RYR3: variants seen among roughly 807,000 people sequenced by gnomAD.
The protein encoded by RYR3 is brain ryanodine receptor-calcium release channel.
A neutral mutation model predicts 584.3 loss-of-function variants in RYR3; 207 were observed. The observed-to-expected ratio is 0.35, with a 90% confidence interval of 0.32 to 0.40. The LOEUF (loss-of-function observed/expected upper bound fraction) is 0.40. Among genes scored for constraint, RYR3 ranks in the 10% least tolerant of loss-of-function variants. RYR3 has a pLI of 1.00. For missense variants in RYR3, 5,616 were observed against 6,089.2 expected (o/e 0.92, Z 2.59); for synonymous variants, 2,416 against 2,248.5 (o/e 1.07, Z -2.11).
intron 66 of RYR3, among the ~76,000 whole-genome samples, chr15:33,786,713 A>G (rs1952138516): frequency 6.6e-6 from 1 of 152,230 alleles, no homozygotes; most frequent in Admixed American, 6.5e-5. Context: ...TGATGGACCT[A>G]TGATTTAGGT....
At chr15:33,607,686 A>C (rs554608954) in intron 18 of RYR3, among the ~76,000 whole-genome samples, 1 of 152,336 alleles carries the variant, frequency 6.6e-6, no homozygotes, top group South Asian at 2.1e-4. Flanking sequence ...TTTTGGATTC[A>C]GCCCTCAATG....
At chr15:33,672,449 G>A (rs1173182300) in intron 38 of RYR3, among the ~76,000 whole-genome samples, 3 of 152,144 alleles carry the variant, frequency 2.0e-5, no homozygotes, top group Non-Finnish European at 4.4e-5. Flanking sequence ...CACGTTTCGT[G>A]TCATAAGTAC....
chr15:33,634,837 T>A, intron 25 of RYR3, 104 bp downstream of exon 25: 1 of 959,588 alleles, frequency 1.0e-6, no homozygotes, highest in Non-Finnish European at 1.6e-6. Flanking sequence ...TTGGAAATAG[T>A]ATTGGGGCTG....
At chr15:33,816,575 A>G in intron 74 of RYR3, among the ~76,000 whole-genome samples, 1 of 152,200 alleles carries the variant, frequency 6.6e-6, no homozygotes, top group Non-Finnish European at 1.5e-5. Context: ...CTCATTGGAG[A>G]GGAAATGTGA....
chr15:33,328,523 G>T (rs1365643906), intron 1 of RYR3, among the ~76,000 whole-genome samples: 1 of 152,166 alleles, frequency 6.6e-6, no homozygotes, highest in African/African-American at 2.4e-5. Context: ...TAAAGTGAGT[G>T]CCCCAGATAA....
Position 33,725,544 on chromosome 15 carries a change from A to T in RYR3, c.6913-842A>T, listed in dbSNP as rs75433457. 3.3e-3 allele frequency among the ~76,000 whole-genome samples: 510 copies of T among 152,298 alleles called. 2 individuals carry two copies. Among genetic ancestry groups the T allele is most frequent in the East Asian group, 0.028 (146 of 5,164 alleles). ...GGTGGATCGGGCTACTCAAGCCGGG[A>T]TAACTCCGCTGAGCCCCTCAAGTTC... On this transcript the variant is annotated intron_variant, in intron 45 of 103. Transcript: ENST00000634891.
In RYR3 at chr15:33,623,806, G is replaced by A. The variant is rs752978120; in HGVS notation, c.2358-1G>A. On this transcript the variant is annotated splice_acceptor_variant, in intron 19 of 103. Transcript: ENST00000634891. LOFTEE classifies it high-confidence loss of function. ...GTATTTCTGCTATCTTCAAATGACA[G>A]AGTACGTTTCCTGATGGGTGGACGT... 1 of 1,602,530 alleles carries A rather than the reference G, an allele frequency of 6.2e-7. No individual in the cohort carries two copies.
intron 20 of RYR3, among the ~76,000 whole-genome samples, chr15:33,627,044 C>T (rs2061027691): frequency 6.6e-6 from 1 of 152,124 alleles, no homozygotes; most frequent in Non-Finnish European, 1.5e-5. Flanking sequence ...ATCCTCTGGA[C>T]TCTAGAATAG....
At chr15:33,793,287 C>T (rs2075271004) in intron 67 of RYR3, among the ~76,000 whole-genome samples, 1 of 152,174 alleles carries the variant, frequency 6.6e-6, no homozygotes, top group African/African-American at 2.4e-5. Flanking sequence ...TGTAGGCTCC[C>T]TGCATCTCAT....
At chr15:33,720,792 T>C (rs536122135) in intron 43 of RYR3, among the ~76,000 whole-genome samples, 34 of 152,252 alleles carry the variant, frequency 2.2e-4, no homozygotes, top group African/African-American at 7.9e-4. Context: ...GAGGATCACT[T>C]GAACCCTAGA....
chr15:33,330,342 TG>T (rs1397929706), intron 1 of RYR3, among the ~76,000 whole-genome samples: 2 of 152,224 alleles, frequency 1.3e-5, no homozygotes, highest in Non-Finnish European at 2.9e-5. Flanking sequence ...TTGTTTTCTC[TG>T]TCTTTGCATC....
Position 33,649,122 on chromosome 15 carries a change from C to A in RYR3, c.4029C>A (p.Val1343=). The A allele has an allele frequency of 1.2e-6, 2 of 1,613,818 alleles. No individual in the cohort carries two copies. Among genetic ancestry groups the A allele is most frequent in the Non-Finnish European group, 1.7e-6 (2 of 1,179,854 alleles). Residue 1343 remains valine, a synonymous_variant, in exon 31 of 104, where the codon GTC becomes GTA. Coordinates refer to ENST00000634891, the MANE Select transcript of RYR3 (RefSeq NM_001036.6). The part of the protein sequence containing the change: ...RIFAGQDPSC[V]WVGWVTPDYH... ...TTGCTGGACAGGATCCATCCTGTGTCTGGGTCGGATGGGTGACTCCAGACT... is the reference window on the plus strand; with the variant it reads ...TTGCTGGACAGGATCCATCCTGTGTATGGGTCGGATGGGTGACTCCAGACT...
intron 1 of RYR3, among the ~76,000 whole-genome samples, chr15:33,338,998 T>C (rs184265371): frequency 5.3e-4 from 81 of 152,310 alleles, no homozygotes; most frequent in Admixed American, 2.2e-3. Context: ...TTCTGGCAGA[T>C]GGAAGGGAGG....
intron 1 of RYR3, among the ~76,000 whole-genome samples, chr15:33,469,756 G>A (rs1254807973): frequency 6.6e-6 from 1 of 152,142 alleles, no homozygotes; most frequent in Non-Finnish European, 1.5e-5. Flanking sequence ...CTGAGTAACA[G>A]CTCCTCAGAA....
chr15:33,740,655 G>A (rs1013105359), intron 51 of RYR3, among the ~76,000 whole-genome samples: 8 of 152,306 alleles, frequency 5.3e-5, no homozygotes, highest in Middle Eastern at 3.4e-3. Flanking sequence ...ATGAATATGC[G>A]CTGTAGGGTA....
intron 16 of RYR3, among the ~76,000 whole-genome samples, chr15:33,590,684 C>T (rs1251700067): frequency 1.4e-5 from 2 of 148,050 alleles, no homozygotes; most frequent in African/African-American, 2.5e-5. Flanking sequence ...GCCTCGAAGG[C>T]ATTTTCATAT....
At chr15:33,394,818 GA>G (rs1179599494) in intron 1 of RYR3, among the ~76,000 whole-genome samples, 4 of 152,194 alleles carry the variant, frequency 2.6e-5, no homozygotes, top group Non-Finnish European at 5.9e-5. Flanking sequence ...ACAATCACAA[GA>G]GGGAGAGAAA....
At chr15:33,655,872 A>G (rs1403132168) in intron 32 of RYR3, among the ~76,000 whole-genome samples, 2 of 152,222 alleles carry the variant, frequency 1.3e-5, no homozygotes, top group African/African-American at 2.4e-5. Context: ...CAAGAAGAAC[A>G]GTCCAGCAAT....
At chr15:33,829,160 A>G (rs1038523486) in intron 85 of RYR3, among the ~76,000 whole-genome samples, 9 of 145,730 alleles carry the variant, frequency 6.2e-5, no homozygotes, top group African/African-American at 2.3e-4. Flanking sequence ...GTTGACACCA[A>G]CTGCTCAGAA....
Sources: allele counts gnomAD v4.1 joint callset (sites outside exome capture counted in the v4.1 genomes callset), GRCh38; gene constraint gnomAD v4.1.1; transcripts MANE v1.5; gene names NCBI Gene and HGNC (gene_info 2026-07-23, HGNC 2026-07-21).